Variants in FRK observed in about 807,000 individuals in gnomAD.
FRK encodes tyrosine-protein kinase FRK.
In FRK, 51 loss-of-function variants were observed where a neutral mutation model predicts 56.4. The observed-to-expected ratio is 0.90, with a 90% CI of 0.72 to 1.14. FRK has a LOEUF of 1.14. Ranked by LOEUF, FRK falls within the 50% of genes most tolerant of loss-of-function variation. FRK has a pLI of 0.00. For missense variants in FRK, 570 were observed against 601.4 expected, an observed-to-expected ratio of 0.95 and a Z score of 0.55; for synonymous variants, 245 against 217.9, an observed-to-expected ratio of 1.12 and a Z score of -1.10.
At chr6:116,042,576 C>G (rs1406532672) in intron 1 of FRK, among the ~76,000 whole-genome samples, 1 of 152,106 alleles carries the variant, frequency 6.6e-6, no homozygotes, top group African/African-American at 2.4e-5. Flanking sequence ...ACAAGAGCTC[C>G]TGAAGGAAGT....
intron 1 of FRK, chr6:116,038,753 G>A (rs1282570145): frequency 1.7e-5 from 8 of 484,248 alleles, no homozygotes; most frequent in East Asian, 5.7e-5. Flanking sequence ...CAGCTCCAGC[G>A]CCATGGCGAC....
Position 115,936,870 on chromosome 6 carries a change from G to A in FRK, c.*5544C>T, listed in dbSNP as rs1051291030. On this transcript the variant is annotated 3_prime_UTR_variant, in exon 8 of 8. Coordinates refer to ENST00000606080, the MANE Select transcript of FRK (RefSeq NM_002031.3). ...TTTGATTGGTGTACCTGAAAGTGAC[G>A]GGGAGAATGGAACCAAGTTGGAAAA... 1 of 152,160 alleles carries A rather than the reference G, an allele frequency of 6.6e-6. No homozygotes were observed. The highest frequency in any genetic ancestry group is 2.1e-4 in the South Asian group (1 of 4,820). 9.4% of individuals were successfully genotyped at this position (152,160 alleles called of 1,614,324 possible).
At chr6:115,970,985 G>A (rs1773786589) in intron 2 of FRK, among the ~76,000 whole-genome samples, 1 of 152,032 alleles carries the variant, frequency 6.6e-6, no homozygotes, top group African/African-American at 2.4e-5. Flanking sequence ...TCAGTGACTG[G>A]GACGTTAACC....
At chr6:116,071,376 T>A in the FRK span, among the ~76,000 whole-genome samples, 2 of 152,090 alleles carry the variant, frequency 1.3e-5, no homozygotes, top group Non-Finnish European at 2.9e-5. Context: ...TTTCAGAATA[T>A]CAAAGAAAAT....
the FRK span, among the ~76,000 whole-genome samples, chr6:116,081,853 T>C: frequency 2.5e-3 from 387 of 152,190 alleles, 10 homozygotes; most frequent in South Asian, 0.044. Flanking sequence ...AACTTCAGCA[T>C]AGGCACACAC....
chr6:115,979,939 T>C (rs1213607223), intron 2 of FRK, among the ~76,000 whole-genome samples: 1 of 152,124 alleles, frequency 6.6e-6, no homozygotes, highest in East Asian at 1.9e-4. Flanking sequence ...TAATGGCACA[T>C]TTCTCAGAAC....
intron 4 of FRK, among the ~76,000 whole-genome samples, chr6:115,961,475 G>T (rs1354333956): frequency 1.9e-5 from 2 of 107,282 alleles, no homozygotes; most frequent in Non-Finnish European, 3.7e-5. Flanking sequence ...CACTCTGCAG[G>T]ATATTATCCA....
chr6:115,994,338 C>CTTT (rs138130403), intron 2 of FRK, among the ~76,000 whole-genome samples: 8 of 91,768 alleles, frequency 8.7e-5, no homozygotes, highest in Admixed American at 1.4e-4. Flanking sequence ...CCCCCCCCGC[C>CTTT]TTTTTTTTGT....
chr6:115,976,172 T>C (rs1773984625), intron 2 of FRK, among the ~76,000 whole-genome samples: 1 of 152,122 alleles, frequency 6.6e-6, no homozygotes, highest in Admixed American at 6.6e-5. Context: ...TTTGCAGTCC[T>C]TTCATAAAAC....
chr6:116,046,022 A>G (rs1562303174), intron 1 of FRK, among the ~76,000 whole-genome samples: 2 of 152,182 alleles, frequency 1.3e-5, no homozygotes, highest in African/African-American at 2.4e-5. Context: ...CATTTATGCA[A>G]CCAACAAACA....
chr6:116,003,013 A>G (rs1775122336), intron 2 of FRK, among the ~76,000 whole-genome samples: 1 of 152,248 alleles, frequency 6.6e-6, no homozygotes, highest in African/African-American at 2.4e-5. Context: ...AGTCAGGCAG[A>G]CACAATGAGG....
At chr6:116,089,128 T>G in the FRK span, among the ~76,000 whole-genome samples, 1 of 152,134 alleles carries the variant, frequency 6.6e-6, no homozygotes. Flanking sequence ...CTGACCACAC[T>G]CCAAAACTAT....
rs73562561 is a variant in FRK at position 116,036,374 on chromosome 6, T to A, written c.344+23594A>T. ...TTACTGCTGGATCAAACTAAAACATTCATTACTTATACCCCTATTTCTATA... is the reference window on the plus strand; with the variant it reads ...TTACTGCTGGATCAAACTAAAACATACATTACTTATACCCCTATTTCTATA... On this transcript the variant is annotated intron_variant, in intron 1 of 7. Coordinates refer to ENST00000606080, the MANE Select transcript of FRK (RefSeq NM_002031.3). Among the ~76,000 whole-genome samples the A allele has an allele frequency of 6.4e-3, 968 of 152,244 alleles. 9 individuals are homozygous for A. Among genetic ancestry groups the A allele is most frequent in the African/African-American group, 0.022 (910 of 41,560 alleles).
At chr6:116,010,611 T>A (rs1045408030) in intron 1 of FRK, among the ~76,000 whole-genome samples, 1 of 152,172 alleles carries the variant, frequency 6.6e-6, no homozygotes, top group Non-Finnish European at 1.5e-5. Context: ...CTGCAACATG[T>A]CAGAAGGCAG....
At chr6:115,974,451 C>G (rs1338532253) in intron 2 of FRK, among the ~76,000 whole-genome samples, 2 of 152,104 alleles carry the variant, frequency 1.3e-5, no homozygotes, top group Non-Finnish European at 2.9e-5. Context: ...CAATGCTTGG[C>G]AATAGCACCT....
At chr6:116,015,715 G>A (rs1218560666) in intron 1 of FRK, among the ~76,000 whole-genome samples, 1 of 152,184 alleles carries the variant, frequency 6.6e-6, no homozygotes, top group East Asian at 1.9e-4. Context: ...ATTGGGAACT[G>A]GAGTAAAGGT....
Position 115,933,355 on chromosome 6 carries a change from T to C in FRK, c.*9059A>G, listed in dbSNP as rs950037775. ...GCTCATTGTAGGAAAATTCAACTTA[T>C]CTTTTCCTGATCCTTTTATTTAATA... On this transcript the variant is annotated 3_prime_UTR_variant, in exon 8 of 8. Transcript: ENST00000606080. 1 of 152,244 alleles carries C rather than the reference T, an allele frequency of 6.6e-6. No homozygotes were observed. The highest frequency in any genetic ancestry group is 1.5e-5 in the Non-Finnish European group (1 of 68,042). 9.4% of individuals were successfully genotyped at this position (152,244 alleles called of 1,614,324 possible).
rs1489924444 is a variant in FRK at position 115,966,047 on chromosome 6, T to C, written c.799+1504A>G. The stretch of plus-strand genomic sequence containing the variant: ...CACATGTACCCTAAAACTTAAAGTA[T>C]AATAAAAAAAAAATTAAAAAAAAAA... On this transcript the variant is annotated intron_variant, in intron 4 of 7. Transcript: ENST00000606080. Among the ~76,000 whole-genome samples the C allele has an allele frequency of 1.2e-3, 7 of 5,686 alleles. 1 individual carries two copies. In the South Asian group the frequency reaches 0.081, roughly 66 times the overall value. 3.7% of individuals were successfully genotyped at this position (5,686 alleles called of 152,430 possible).
intron 1 of FRK, among the ~76,000 whole-genome samples, chr6:116,042,897 C>A (rs1776779270): frequency 6.6e-6 from 1 of 150,884 alleles, no homozygotes. Flanking sequence ...GAATATTTAC[C>A]AAGTAAATGG....
Sources: gnomAD v4.1 joint callset for allele counts (sites outside exome capture counted in the v4.1 genomes callset) on GRCh38, gnomAD v4.1.1 for gene constraint, MANE v1.5 for transcripts, NCBI Gene and HGNC (gene_info 2026-07-23, HGNC 2026-07-21) for gene names.